Variants in PTCH1 observed in about 807,000 individuals in gnomAD.
PTCH1 encodes patched 1, also known as protein patched homolog 1.
PTCH1 carries 14 observed loss-of-function variants against 144.6 expected under a neutral mutation model. The ratio of observed to expected loss-of-function variants is 0.10; its 90% CI spans 0.06 to 0.15. The LOEUF is 0.15. Ranked by LOEUF, PTCH1 falls within the 10% of genes least tolerant of loss-of-function variation. The pLI is 1.00. For synonymous variants in PTCH1, 833 were observed against 793.6 expected, an observed-to-expected ratio of 1.05 and a Z score of -0.83; for missense variants, 1,623 against 1,948.3, an observed-to-expected ratio of 0.83 and a Z score of 3.14.
In PTCH1 at chr9:95,476,609, T is replaced by A; in HGVS notation, c.1602+150A>T. On this transcript the variant is annotated intron_variant, in intron 11 of 23. Transcript: ENST00000331920. This position sits in a 1 kb window ranked among gnomAD's most constrained non-coding sequence, Gnocchi z 4.6. ...ATACATGTCCTGAGAGTCTTCCAGCTTATTTCATTGACTGGCAGCCAGTGA... is the reference window on the plus strand; with the variant it reads ...ATACATGTCCTGAGAGTCTTCCAGCATATTTCATTGACTGGCAGCCAGTGA... 1 of 805,328 alleles carries A rather than the reference T, an allele frequency of 1.2e-6. No individual in the cohort carries two copies. The highest frequency in any genetic ancestry group is 2.7e-5 in the East Asian group (1 of 37,470). 49.9% of individuals were successfully genotyped at this position (805,328 alleles called of 1,614,324 possible).
At position 95,444,513 on chromosome 9, in the gene PTCH1, A is replaced by G. The variant is rs534249446; in HGVS notation, c.*1880T>C. On this transcript the variant is annotated 3_prime_UTR_variant, in exon 24 of 24. Coordinates refer to ENST00000331920, the MANE Select transcript of PTCH1 (RefSeq NM_000264.5). ...GACACACACACACGCACGCACGCAC[A>G]CACACACACACACACCCAGCAGCCA... 12 of 152,242 alleles carry G rather than the reference A, an allele frequency of 7.9e-5. No individual in the cohort carries two copies. Among genetic ancestry groups the G allele is most frequent in the Admixed American group, 2.0e-4 (3 of 15,208 alleles). The allele number at this position is 152,242 out of a possible 1,614,324, so 9.4% of individuals were successfully genotyped here. A position where few individuals can be genotyped will look rare whatever the true frequency, so the allele number is the denominator to read the frequency against.
In PTCH1 at chr9:95,469,171, A is replaced by G. The variant is rs2118064133; in HGVS notation, c.1848-18T>C. 1 of 1,613,944 alleles carries G rather than the reference A, an allele frequency of 6.2e-7. No homozygotes were observed. Among genetic ancestry groups the G allele is most frequent in the Non-Finnish European group, 8.5e-7 (1 of 1,180,004 alleles). On this transcript the variant is annotated intron_variant, in intron 13 of 23. Transcript: ENST00000331920. ...CGCAGGGGCTGAAAGGAGGGGAAACATGTTGCAATGTTATGCTGAAACAGG... is the reference window on the plus strand; with the variant it reads ...CGCAGGGGCTGAAAGGAGGGGAAACGTGTTGCAATGTTATGCTGAAACAGG...
At chr9:95,507,467 A>G in intron 1 of PTCH1, 3 of 982,002 alleles carry the variant, frequency 3.1e-6, no homozygotes, top group Non-Finnish European at 3.6e-6. Flanking sequence ...TGAACCCGGC[A>G]GCTCCGCAGA....
At chr9:95,512,095 C>T (rs984214226), upstream of PTCH1, among the ~76,000 whole-genome samples, 28 of 152,238 alleles carry the variant, frequency 1.8e-4, no homozygotes, top group Non-Finnish European at 3.5e-4. Flanking sequence ...GCCTCACTCT[C>T]CGCACGCGGC....
intron 12 of PTCH1, among the ~76,000 whole-genome samples, chr9:95,473,649 A>G (rs2118190352): frequency 6.7e-6 from 1 of 150,176 alleles, no homozygotes; most frequent in South Asian, 2.1e-4. Context: ...GGTTCAAGCG[A>G]TTCTCCTGCC....
At chr9:95,454,524 T>C (rs1838750894) in intron 19 of PTCH1, among the ~76,000 whole-genome samples, 1 of 152,266 alleles carries the variant, frequency 6.6e-6, no homozygotes, top group African/African-American at 2.4e-5. Flanking sequence ...AAACAGGTTC[T>C]ACTCTTTCAG....
At chr9:95,480,730 G>T in intron 5 of PTCH1, 142 bp from the exon 6 acceptor site, 3 of 841,298 alleles carry the variant, frequency 3.6e-6, no homozygotes, top group South Asian at 1.5e-5. Flanking sequence ...CAAAACAAAT[G>T]CTCCTTTCCA....
chr9:95,494,042 A>G (rs1376466650), intron 2 of PTCH1, among the ~76,000 whole-genome samples: 1 of 152,236 alleles, frequency 6.6e-6, no homozygotes. Context: ...CCACCAAAGC[A>G]TAACGAGAAA....
exon 1 of PTCH1, chr9:95,516,774 C>T (rs765857653): frequency 6.2e-7 from 1 of 1,612,812 alleles, no homozygotes; most frequent in East Asian, 2.2e-5. Context: ...CGGCGGAGTG[C>T]AGCGCGGACT....
In PTCH1 at chr9:95,445,705, C is replaced by G. The variant is rs1054404997; in HGVS notation, c.*688G>C. 6.6e-6 allele frequency: 1 copy of G among 151,732 alleles called. No individual in the cohort carries two copies. Among genetic ancestry groups the G allele is most frequent in the African/African-American group, 2.5e-5 (1 of 40,524 alleles). 9.4% of individuals were successfully genotyped at this position (151,732 alleles called of 1,614,324 possible). A position where few individuals can be genotyped will look rare whatever the true frequency, so the allele number is the denominator to read the frequency against. ...GTCAGAGCCTACTACAGGTTACAGA[C>G]AGTGTAGAGAAACAAAACAAGACAA... is the stretch of plus-strand genomic sequence containing the variant. On this transcript the variant is annotated 3_prime_UTR_variant, in exon 24 of 24. Transcript: ENST00000331920.
rs1843918318 is a variant in PTCH1, at chr9:95,508,373, C to T, written c.-12G>A. The T allele has an allele frequency of 2.6e-6, 3 of 1,148,326 alleles. No individual in the cohort carries two copies. The highest frequency in any genetic ancestry group is 2.1e-6 in the Non-Finnish European group (2 of 934,924). 71.1% of individuals were successfully genotyped at this position (1,148,326 alleles called of 1,614,324 possible). A position where few individuals can be genotyped will look rare whatever the true frequency, so the allele number is the denominator to read the frequency against. On this transcript the variant is annotated 5_prime_UTR_variant, in exon 1 of 24. Transcript: ENST00000331920. The stretch of plus-strand genomic sequence containing the variant: ...CCAGCCGAGGCCATGTTGCCGCCGC[C>T]GCCGCCGCCGCCGCGGGGACGGAGG...
chr9:95,508,999 TGCTCGGGCTGCTCGG>T lies in PTCH1; in HGVS notation c.-653_-639del, dbSNP rs953131176. On this transcript the variant is annotated 5_prime_UTR_variant, in exon 1 of 24. Transcript: ENST00000331920. Reference sequence around the variant, plus strand: ...TGGCGGTGGCGGCTCCAGGAGCTGCTGCTCGGGCTGCTCGGGCTCTGGCTGCTGGGTTCGCGGTGG... The same window carrying T: ...TGGCGGTGGCGGCTCCAGGAGCTGCTGCTCTGGCTGCTGGGTTCGCGGTGG... Among the ~76,000 whole-genome samples, 86 of 150,910 alleles carry T rather than the reference TGCTCGGGCTGCTCGG, an allele frequency of 5.7e-4. No homozygotes were observed. Among genetic ancestry groups the T allele is most frequent in the Middle Eastern group, 3.5e-3 (1 of 286 alleles).
Position 95,506,510 on chromosome 9 carries a change from GT to G in PTCH1, c.290del (p.Asn97ThrfsTer20), listed in dbSNP as rs1554708751. 6.2e-7 allele frequency: 1 copy of G among 1,613,764 alleles called. No homozygotes were observed. Among genetic ancestry groups the G allele is most frequent in the Non-Finnish European group, 8.5e-7 (1 of 1,179,806 alleles). On this transcript the variant is annotated frameshift_variant, in exon 2 of 24. Coordinates refer to ENST00000331920, the MANE Select transcript of PTCH1 (RefSeq NM_000264.5). LOFTEE classifies it high-confidence loss of function. ...GGCCCACAACCAAGAACTTGCCGCA[GT>G]TTTTTTGAATGTAACAACCCAGTTT... is the stretch of plus-strand genomic sequence containing the variant. ...LFKLGCYIQK[N>X]CGKFLVVGLL...
rs1322006935 is a variant in PTCH1 at position 95,444,202 on chromosome 9, C to T, written c.*2191G>A. The T allele has an allele frequency of 2.4e-5, 3 of 126,636 alleles. No individual in the cohort carries two copies. Among genetic ancestry groups the T allele is most frequent in the Non-Finnish European group, 4.9e-5 (3 of 60,824 alleles). The allele number at this position is 126,636 out of a possible 1,614,324, so 7.8% of individuals were successfully genotyped here. ...GAGAGAAATTCTAATTCCCTGCCAG[C>T]CCCACCCCCCGCCCACCCCAGTTCT... On this transcript the variant is annotated 3_prime_UTR_variant, in exon 24 of 24. Transcript: ENST00000331920.
intron 1 of PTCH1, among the ~76,000 whole-genome samples, chr9:95,515,817 C>G (rs1272684340): frequency 6.6e-6 from 1 of 152,204 alleles, no homozygotes; most frequent in Admixed American, 6.5e-5. Flanking sequence ...GCCCTTTTCC[C>G]GCAGCATGGG....
In PTCH1 at chr9:95,485,785, G is replaced by C. The variant is rs1165518590; in HGVS notation, c.484C>G (p.Pro162Ala). 1 of 1,614,072 alleles carries C rather than the reference G, an allele frequency of 6.2e-7. No homozygotes were observed. The highest frequency in any genetic ancestry group is 8.5e-7 in the Non-Finnish European group (1 of 1,180,016). ...MFNPQLMIQT[P>A]KEEGANVLTT... is the part of the protein sequence containing the mutation. ...AGGACATTAGCACCTTCTTCTTTAG[G>C]GGTCTGTATCATGAGTTGAGGATTA... The change falls in exon 3 of 24, where the codon CCT becomes GCT. Residue 162 changes from proline (P) to alanine (A), a missense_variant. By Grantham distance (27) the Pro-to-Ala change is conservative. Coordinates refer to ENST00000331920, the MANE Select transcript of PTCH1 (RefSeq NM_000264.5).
At chr9:95,505,496 T>C (rs1843504525) in intron 2 of PTCH1, among the ~76,000 whole-genome samples, 1 of 152,152 alleles carries the variant, frequency 6.6e-6, no homozygotes, top group African/African-American at 2.4e-5. Flanking sequence ...ATGTTTGTCT[T>C]CGAAAAAATA....
chr9:95,466,413 T>C (rs539701579), intron 15 of PTCH1, among the ~76,000 whole-genome samples: 8 of 152,326 alleles, frequency 5.3e-5, no homozygotes. Flanking sequence ...TAAGCATTTA[T>C]AACTTTACTT....
chr9:95,456,147 G>T (rs1838901453), intron 19 of PTCH1, 129 bp downstream of exon 19: 2 of 1,384,616 alleles, frequency 1.4e-6, no homozygotes, highest in Non-Finnish European at 2.0e-6. Context: ...CTCCTAGGGG[G>T]CCCCTGTGCC....
Sources: gnomAD v4.1 joint callset for allele counts (sites outside exome capture counted in the v4.1 genomes callset) on GRCh38, gnomAD v4.1.1 for gene constraint, Gnocchi (gnomAD v3.1) non-coding constraint, MANE v1.5 for transcripts, NCBI Gene and HGNC (gene_info 2026-07-23, HGNC 2026-07-21) for gene names.